CNTNAP2: variants seen among roughly 807,000 people sequenced by gnomAD.
CNTNAP2 encodes contactin associated protein 2.
Under a neutral mutation model 155.2 loss-of-function variants are expected in CNTNAP2, and 98 were observed. That is an observed-to-expected ratio of 0.63 (90% CI 0.54 to 0.75). CNTNAP2 has a LOEUF of 0.75. Among genes scored for constraint, CNTNAP2 ranks in the 30% least tolerant of loss-of-function variants. The probability of loss-of-function intolerance (pLI) is 0.00; values close to 1 mark genes in which losing one functional copy is unlikely to be tolerated. For synonymous variants in CNTNAP2, 651 were observed against 631.2 expected (o/e 1.03, Z -0.47); for missense variants, 1,727 against 1,688.1 (o/e 1.02, Z -0.40).
chr7:148,394,657 T>A (rs916292843), intron 22 of CNTNAP2, among the ~76,000 whole-genome samples: 15 of 152,242 alleles, frequency 9.9e-5, no homozygotes, highest in African/African-American at 3.6e-4. Context: ...ATGATTCAGA[T>A]AAGTGTCATC....
intron 1 of CNTNAP2, among the ~76,000 whole-genome samples, chr7:146,151,371 T>G (rs1798034801): frequency 6.6e-6 from 1 of 151,792 alleles, no homozygotes; most frequent in African/African-American, 2.4e-5. Flanking sequence ...CCTTGTACCC[T>G]TTAATCAATA....
chr7:148,278,532 T>G (rs1164327301), intron 21 of CNTNAP2, among the ~76,000 whole-genome samples: 2 of 136,318 alleles, frequency 1.5e-5, no homozygotes, highest in Non-Finnish European at 3.0e-5. Flanking sequence ...ATCGCGCCAC[T>G]GCACTCCAGC....
chr7:146,572,654 T>A (rs181938908), intron 1 of CNTNAP2, among the ~76,000 whole-genome samples: 1 of 152,268 alleles, frequency 6.6e-6, no homozygotes, highest in Admixed American at 6.5e-5. Flanking sequence ...TAAAGTAATA[T>A]GTTGCCATTA....
In CNTNAP2 at chr7:146,440,964, C is replaced by A. The variant is rs563057769; in HGVS notation, c.97+323991C>A. ...TGTACATTTGGAATGTCACACAGTT[C>A]ATTCTTGTTCCCACTGGACATAAAT... On this transcript the variant is annotated intron_variant, in intron 1 of 23. Transcript: ENST00000361727. Among the ~76,000 whole-genome samples, 15 of 151,640 alleles carry A rather than the reference C, an allele frequency of 9.9e-5. No individual in the cohort carries two copies. The South Asian group carries it at 1.2e-3, about 13-fold the overall frequency.
chr7:146,914,825 CTTTGTTTT>C (rs567701237), intron 3 of CNTNAP2, among the ~76,000 whole-genome samples: 34 of 151,634 alleles, frequency 2.2e-4, no homozygotes, highest in Admixed American at 3.9e-4. Context: ...ATCAATTTAT[CTTTGTTTT>C]TTTGTTTTTT....
chr7:147,775,902 C>T (rs889942848), intron 13 of CNTNAP2, among the ~76,000 whole-genome samples: 1 of 152,078 alleles, frequency 6.6e-6, no homozygotes, highest in African/African-American at 2.4e-5. Flanking sequence ...GAATAAGAAG[C>T]TGTTTTCAGA....
intron 1 of CNTNAP2, among the ~76,000 whole-genome samples, chr7:146,746,677 A>G (rs1467417059): frequency 2.6e-5 from 4 of 152,286 alleles, no homozygotes; most frequent in African/African-American, 9.6e-5. Context: ...AAATGCTTGT[A>G]TTATAAAATT....
At chr7:146,467,330 A>G (rs770417577) in intron 1 of CNTNAP2, among the ~76,000 whole-genome samples, 36 of 152,254 alleles carry the variant, frequency 2.4e-4, no homozygotes, top group Non-Finnish European at 4.4e-4. Flanking sequence ...GACATGACTG[A>G]TTTCAGTATC....
chr7:147,640,837 A>G (rs1795261100), intron 13 of CNTNAP2, among the ~76,000 whole-genome samples: 1 of 152,176 alleles, frequency 6.6e-6, no homozygotes, highest in Non-Finnish European at 1.5e-5. Context: ...GTGGCTGCTT[A>G]TATGAGGAGG....
At chr7:146,454,150 T>C (rs1354768204) in intron 1 of CNTNAP2, among the ~76,000 whole-genome samples, 6 of 152,188 alleles carry the variant, frequency 3.9e-5, no homozygotes, top group Non-Finnish European at 7.3e-5. Flanking sequence ...TTGAATGTAG[T>C]TCAACATAGT....
intron 14 of CNTNAP2, among the ~76,000 whole-genome samples, chr7:147,975,073 T>C (rs60927442): frequency 0.19 from 19,793 of 102,180 alleles, 2,005 homozygotes; most frequent in East Asian, 0.42. Flanking sequence ...TTTTGTATTA[T>C]GTATAATACA....
At chr7:147,491,538 T>C (rs1798609379) in intron 11 of CNTNAP2, among the ~76,000 whole-genome samples, 1 of 152,220 alleles carries the variant, frequency 6.6e-6, no homozygotes, top group Admixed American at 6.5e-5. Flanking sequence ...AATATCTTTC[T>C]CCTCCACTGG....
chr7:146,516,503 G>T (rs1319498641), intron 1 of CNTNAP2, among the ~76,000 whole-genome samples: 1 of 151,960 alleles, frequency 6.6e-6, no homozygotes, highest in East Asian at 1.9e-4. Context: ...CTGGGAATGG[G>T]CATTTTGCGG....
intron 3 of CNTNAP2, among the ~76,000 whole-genome samples, chr7:146,858,706 C>A (rs1795039978): frequency 6.6e-6 from 1 of 152,060 alleles, no homozygotes; most frequent in Non-Finnish European, 1.5e-5. Context: ...AAAAATTAAT[C>A]AATTAATGAA....
At chr7:148,128,116 G>A (rs931534512) in intron 16 of CNTNAP2, among the ~76,000 whole-genome samples, 34 of 152,036 alleles carry the variant, frequency 2.2e-4, no homozygotes, top group Non-Finnish European at 4.0e-4. Context: ...CGATCCACCC[G>A]CCTCAGCCTC....
chr7:148,288,698 C>A (rs1043434265), intron 21 of CNTNAP2, among the ~76,000 whole-genome samples: 1 of 151,946 alleles, frequency 6.6e-6, no homozygotes, highest in African/African-American at 2.4e-5. Context: ...TTGTTCCAAT[C>A]ATTCCCCCTG....
chr7:147,631,452 A>G (rs1795083494), intron 12 of CNTNAP2, among the ~76,000 whole-genome samples: 1 of 152,194 alleles, frequency 6.6e-6, no homozygotes, highest in African/African-American at 2.4e-5. Flanking sequence ...AGTACCATCA[A>G]TATTCTTCAC....
At chr7:147,711,997 A>G (rs1796406857) in intron 13 of CNTNAP2, among the ~76,000 whole-genome samples, 1 of 152,156 alleles carries the variant, frequency 6.6e-6, no homozygotes, top group South Asian at 2.1e-4. Flanking sequence ...ATCCTCCACA[A>G]TCTGGCTCTA....
At chr7:147,749,549 G>A (rs1175336479) in intron 13 of CNTNAP2, among the ~76,000 whole-genome samples, 1 of 152,070 alleles carries the variant, frequency 6.6e-6, no homozygotes, top group East Asian at 1.9e-4. Context: ...ATTTTTACCA[G>A]CAATATGTGG....
Sources: allele counts gnomAD v4.1 joint callset (sites outside exome capture counted in the v4.1 genomes callset), GRCh38; gene constraint gnomAD v4.1.1; transcripts MANE v1.5; gene names NCBI Gene and HGNC (gene_info 2026-07-23, HGNC 2026-07-21).